Variants in SOX5 observed in about 807,000 individuals in gnomAD.
SOX5 encodes the protein transcription factor SOX-5.
In SOX5, 9 loss-of-function variants were observed where a neutral mutation model predicts 92.0. That is an observed-to-expected ratio of 0.10 (90% CI 0.06 to 0.17). SOX5 has a LOEUF of 0.17. Ranked by LOEUF, SOX5 falls within the 10% of genes least tolerant of loss-of-function variation. SOX5 has a pLI of 1.00. For synonymous variants in SOX5, 344 were observed against 336.3 expected (o/e 1.02, Z -0.25); for missense variants, 642 against 944.5 (o/e 0.68, Z 4.20).
At chr12:23,689,108 C>A (rs2088231103) in intron 6 of SOX5, among the ~76,000 whole-genome samples, 1 of 152,080 alleles carries the variant, frequency 6.6e-6, no homozygotes, top group Non-Finnish European at 1.5e-5. Flanking sequence ...ACTACTAAGT[C>A]AATATCAATT....
chr12:24,086,070 C>A (rs911014273), intron 4 of SOX5, among the ~76,000 whole-genome samples: 1 of 151,832 alleles, frequency 6.6e-6, no homozygotes, highest in Non-Finnish European at 1.5e-5. Flanking sequence ...TTTTCTTTTG[C>A]GTGGTTAAGA....
intron 7 of SOX5, among the ~76,000 whole-genome samples, chr12:23,663,085 T>C (rs150997061): frequency 0.035 from 5,365 of 152,194 alleles, 241 homozygotes; most frequent in Admixed American, 0.12. Context: ...AGGGAGGACA[T>C]CGTCTGGACT....
intron 8 of SOX5, among the ~76,000 whole-genome samples, chr12:23,614,835 T>C (rs1243931467): frequency 6.6e-6 from 1 of 152,222 alleles, no homozygotes; most frequent in Non-Finnish European, 1.5e-5. Context: ...AGAGTCTCAC[T>C]CTGATGCCCA....
At chr12:24,244,188 C>T (rs1938125553) in intron 3 of SOX5, among the ~76,000 whole-genome samples, 1 of 152,156 alleles carries the variant, frequency 6.6e-6, no homozygotes. Context: ...AACTTTGAGC[C>T]TATCTGGTTT....
intron 3 of SOX5, among the ~76,000 whole-genome samples, chr12:24,253,656 C>T (rs1055003084): frequency 4.6e-5 from 7 of 152,044 alleles, no homozygotes; most frequent in Admixed American, 3.3e-4. Flanking sequence ...AGGAATGTGG[C>T]GCACATTGTA....
At chr12:23,784,461 G>A (rs1367608787) in intron 3 of SOX5, among the ~76,000 whole-genome samples, 2 of 151,966 alleles carry the variant, frequency 1.3e-5, no homozygotes, top group African/African-American at 4.8e-5. Flanking sequence ...CGAGTAGCTG[G>A]CACTACAGGC....
chr12:24,092,635 C>T (rs1944795179), intron 4 of SOX5, among the ~76,000 whole-genome samples: 1 of 152,134 alleles, frequency 6.6e-6, no homozygotes, highest in South Asian at 2.1e-4. Flanking sequence ...CTTCAACCAG[C>T]CCTCAATTAA....
intron 3 of SOX5, among the ~76,000 whole-genome samples, chr12:23,821,250 C>T (rs535600001): frequency 6.6e-6 from 1 of 152,218 alleles, no homozygotes; most frequent in African/African-American, 2.4e-5. Context: ...TATAGGAATG[C>T]TTGTGATTTT....
At chr12:23,548,169 TAG>T (rs1236494707) in intron 11 of SOX5, among the ~76,000 whole-genome samples, 3 of 152,016 alleles carry the variant, frequency 2.0e-5, no homozygotes, top group African/African-American at 7.2e-5. Flanking sequence ...ACACATTTTC[TAG>T]AGAGTTTTCC....
intron 4 of SOX5, among the ~76,000 whole-genome samples, chr12:23,996,654 T>C (rs1592169255): frequency 6.6e-6 from 1 of 152,304 alleles, no homozygotes; most frequent in Non-Finnish European, 1.5e-5. Context: ...CTAATACATA[T>C]TACAATGTAC....
chr12:23,913,519 C>T (rs558587998), intron 1 of SOX5, among the ~76,000 whole-genome samples: 38 of 151,814 alleles, frequency 2.5e-4, no homozygotes, highest in African/African-American at 7.7e-4. Context: ...AGGAGGATCA[C>T]GAGGTCGGGA....
At chr12:23,989,667 C>A (rs1950377094) in intron 4 of SOX5, among the ~76,000 whole-genome samples, 1 of 152,008 alleles carries the variant, frequency 6.6e-6, no homozygotes, top group African/African-American at 2.4e-5. Flanking sequence ...GATTTGTGCC[C>A]TTATAACTAT....
intron 4 of SOX5, among the ~76,000 whole-genome samples, chr12:23,755,258 C>A (rs1423209687): frequency 1.3e-5 from 2 of 151,662 alleles, no homozygotes; most frequent in Non-Finnish European, 1.5e-5. Context: ...TTCTACACAC[C>A]CATATTTCTT....
At chr12:23,914,553 G>T (rs768225995) in intron 1 of SOX5, among the ~76,000 whole-genome samples, 10 of 152,084 alleles carry the variant, frequency 6.6e-5, no homozygotes, top group Non-Finnish European at 1.3e-4. Context: ...TTAGAGGGAA[G>T]AGGCACAGAC....
At chr12:24,261,588 A>G (rs1942096923) in intron 3 of SOX5, among the ~76,000 whole-genome samples, 1 of 152,232 alleles carries the variant, frequency 6.6e-6, no homozygotes, top group Non-Finnish European at 1.5e-5. Flanking sequence ...TATAGGAAAA[A>G]AAAATCAATG....
intron 4 of SOX5, among the ~76,000 whole-genome samples, chr12:24,024,632 T>C (rs1954673465): frequency 6.6e-6 from 1 of 152,052 alleles, no homozygotes; most frequent in South Asian, 2.1e-4. Flanking sequence ...CATTTCTAAA[T>C]ATGTGTAATA....
At chr12:24,126,424 C>T (rs532457749) in intron 4 of SOX5, among the ~76,000 whole-genome samples, 6 of 152,274 alleles carry the variant, frequency 3.9e-5, no homozygotes, top group African/African-American at 1.4e-4. Context: ...CCCTGCAAAG[C>T]GAAAACCAGG....
At chr12:24,116,574 C>T (rs1948025584) in intron 4 of SOX5, among the ~76,000 whole-genome samples, 1 of 152,028 alleles carries the variant, frequency 6.6e-6, no homozygotes, top group Admixed American at 6.6e-5. Context: ...GGATTATTGC[C>T]TATGCTAGCT....
intron 4 of SOX5, among the ~76,000 whole-genome samples, chr12:24,204,316 T>C (rs1040431668): frequency 1.4e-5 from 2 of 145,288 alleles, no homozygotes; most frequent in African/African-American, 4.9e-5. Flanking sequence ...TCCATTATTA[T>C]TATTATTATT....
Sources: allele counts gnomAD v4.1 joint callset (sites outside exome capture counted in the v4.1 genomes callset), GRCh38; gene constraint gnomAD v4.1.1; transcripts MANE v1.5; gene names NCBI Gene and HGNC (gene_info 2026-07-23, HGNC 2026-07-21).